The following CHAC1 variants were observed in gnomAD, a reference collection of about 807,000 sequenced individuals.
The protein encoded by CHAC1 is ChaC glutathione specific gamma-glutamylcyclotransferase 1, also known as glutathione-specific gamma-glutamylcyclotransferase 1.
In CHAC1, 22 loss-of-function variants were observed where a neutral mutation model predicts 22.1. That is an observed-to-expected ratio of 1.00 (90% CI 0.71 to 1.42). The LOEUF (loss-of-function observed/expected upper bound fraction) is 1.42, where lower values mean the gene tolerates loss of function less well. Among genes scored for constraint, CHAC1 ranks in the 40% most tolerant of loss-of-function variants. The pLI is 0.00. For synonymous variants in CHAC1, 145 were observed against 128.7 expected (o/e 1.13, Z -0.86); for missense variants, 272 against 299.2 (o/e 0.91, Z 0.67).
rs1047077828 is a variant in CHAC1, at chr15:40,955,361, A to G, written c.268-12A>G. ...GTCATGACTGACCCCGGGTGTCCCT[A>G]TTTCTTCCCAGGGCTGCACTTGGGG... On this transcript the variant is annotated splice_polypyrimidine_tract_variant and intron_variant, in intron 2 of 2. Coordinates refer to ENST00000617768, the MANE Select transcript of CHAC1 (RefSeq NM_024111.6). 15 of 1,612,964 alleles carry G rather than the reference A, an allele frequency of 9.3e-6. No individual in the cohort carries two copies. Among genetic ancestry groups the G allele is most frequent in the Non-Finnish European group, 1.3e-5 (15 of 1,179,386 alleles).
Position 40,955,972 on chromosome 15 carries a change from T to C in CHAC1, c.*198T>C. The C allele has an allele frequency of 1.6e-6, 1 of 614,402 alleles. No homozygotes were observed. Among genetic ancestry groups the C allele is most frequent in the South Asian group, 2.2e-5 (1 of 46,146 alleles). The allele number at this position is 614,402 out of a possible 1,614,324, so 38.1% of individuals were successfully genotyped here. A position where few individuals can be genotyped will look rare whatever the true frequency, so the allele number is the denominator to read the frequency against. On this transcript the variant is annotated 3_prime_UTR_variant, in exon 3 of 3. Transcript: ENST00000617768. ...CACTGACTTACTACTTGAAACTTTA[T>C]TTATTGCACCATGTTGGTGTGGTGG...
rs753370651 is a variant in CHAC1 at position 40,953,783 on chromosome 15, G to C, written c.200G>C (p.Gly67Ala). The C allele has an allele frequency of 7.5e-6, 12 of 1,596,904 alleles. No homozygotes were observed. In the Admixed American group the frequency reaches 1.7e-4, roughly 22 times the overall value. ...VRGYSRRFWQ[G>A]DTFHRGSDKM... ...GGCTACAGCCGCCGTTTCTGGCAGG[G>C]AGACACCTTCCATCGGGGCAGCGAC... Residue 67 changes from glycine (G) to alanine (A), a missense_variant, in exon 1 of 3, where the codon GGA becomes GCA. Transcript: ENST00000617768.
rs750605220 is a variant in CHAC1, at chr15:40,955,595, C to T, written c.490C>T (p.Gln164Ter). ...TGCGCCTGAAGAGGCCATTGCCACG[C>T]AGATCCTGGCCTGCCGGGGCTTCTC... is the stretch of plus-strand genomic sequence containing the variant. Reference protein sequence around the residue: ...GPAPEEAIATQILACRGFSGH... With the variant: ...GPAPEEAIAT Residue 164 changes from glutamine (Q) to a stop codon, truncating the protein, a stop_gained, in exon 3 of 3, where the codon CAG becomes TAG. Transcript: ENST00000617768. LOFTEE classifies it high-confidence loss of function. 6.2e-7 allele frequency: 1 copy of T among 1,614,044 alleles called. No individual in the cohort carries two copies. The highest frequency in any genetic ancestry group is 8.5e-7 in the Non-Finnish European group (1 of 1,180,042).
rs967363606 is a variant in CHAC1, at chr15:40,953,893, G to A, written c.231+79G>A. ...GCGCCAGTGCCCTGGAATGTCCGGG[G>A]CTCTCTGGGCCAATAGAAAGAAATG... is the stretch of plus-strand genomic sequence containing the variant. On this transcript the variant is annotated intron_variant, in intron 1 of 2. Coordinates refer to ENST00000617768, the MANE Select transcript of CHAC1 (RefSeq NM_024111.6). The A allele has an allele frequency of 5.4e-6, 6 of 1,105,640 alleles. No individual in the cohort carries two copies. In the African/African-American group the frequency reaches 6.2e-5, roughly 11 times the overall value. 68.5% of individuals were successfully genotyped at this position (1,105,640 alleles called of 1,614,324 possible). A position where few individuals can be genotyped will look rare whatever the true frequency, so the allele number is the denominator to read the frequency against.
Position 40,954,585 on chromosome 15 carries a change from T to TG in CHAC1, c.267+322_267+323insG, listed in dbSNP as rs1555394338. On this transcript the variant is annotated intron_variant, in intron 2 of 2. Transcript: ENST00000617768. Reference sequence around the variant, plus strand: ...ACCACTTTGTCAACTGTTTTTTTTTTTTGTTGTTGTTGTTGTTGTTTTGTT... The same window carrying TG: ...ACCACTTTGTCAACTGTTTTTTTTTTGTTGTTGTTGTTGTTGTTGTTTTGTT... Among the ~76,000 whole-genome samples, 475 of 148,098 alleles carry TG rather than the reference T, an allele frequency of 3.2e-3. 4 individuals are homozygous for TG. Among genetic ancestry groups the TG allele is most frequent in the Middle Eastern group, 6.9e-3 (2 of 290 alleles).
At chr15:40,954,557 T>C (rs1228706422) in intron 2 of CHAC1, among the ~76,000 whole-genome samples, 3 of 149,316 alleles carry the variant, frequency 2.0e-5, no homozygotes, top group Non-Finnish European at 4.4e-5. Flanking sequence ...TCCCTGGTAC[T>C]AGACCACTTT....
intron 2 of CHAC1, among the ~76,000 whole-genome samples, chr15:40,954,915 CTT>C (rs60132729): frequency 2.1e-5 from 3 of 139,834 alleles, no homozygotes; most frequent in Admixed American, 7.2e-5. Flanking sequence ...TCAACTATGC[CTT>C]TTTTTTTTTT....
At chr15:40,954,338 T>G in intron 2 of CHAC1, 75 bp downstream of exon 2, 1 of 1,462,490 alleles carries the variant, frequency 6.8e-7, no homozygotes, top group East Asian at 2.3e-5. Flanking sequence ...CATAGGCTCT[T>G]GGCTGCAGGC....
At chr15:40,955,259 GACC>G (rs1313288638) in intron 2 of CHAC1, 111 bp from the exon 3 acceptor site, 2 of 1,176,274 alleles carry the variant, frequency 1.7e-6, no homozygotes, top group Non-Finnish European at 2.4e-6. Context: ...CTCATCAGCC[GACC>G]ACAGCCTCCC....
In CHAC1 at chr15:40,956,106, C is replaced by T. The variant is rs1124516; in HGVS notation, c.*332C>T. ...TGCTGCTAACCCCACACCACCCAGG[C>T]CTCCACCTCCCCAGGGAGTCTCCAA... On this transcript the variant is annotated 3_prime_UTR_variant, in exon 3 of 3. Transcript: ENST00000617768. The T allele has an allele frequency of 2.8e-4, 76 of 267,082 alleles. No individual in the cohort carries two copies. The South Asian group carries it at 5.7e-3, about 20-fold the overall frequency. 16.5% of individuals were successfully genotyped at this position (267,082 alleles called of 1,614,324 possible). A position where few individuals can be genotyped will look rare whatever the true frequency, so the allele number is the denominator to read the frequency against.
chr15:40,954,793 G>A (rs1893195924), intron 2 of CHAC1, among the ~76,000 whole-genome samples: 1 of 151,870 alleles, frequency 6.6e-6, no homozygotes, highest in South Asian at 2.1e-4. Context: ...TAGTAGAGAC[G>A]GAGTTTCACC....
intron 1 of CHAC1, among the ~76,000 whole-genome samples, 196 bp from the exon 2 acceptor site, chr15:40,954,032 C>T (rs571766497): frequency 3.7e-5 from 1 of 27,166 alleles, no homozygotes; most frequent in South Asian, 1.8e-3. Context: ...CAACTGGGAC[C>T]ACTGACATGT....
In CHAC1 at chr15:40,955,938, C is replaced by G. The variant is rs577755279; in HGVS notation, c.*164C>G. ...TGCCTGTCTGCCAGCCTGCAGCTCT[C>G]CTGCTTGACACTGACTTACTACTTG... is the stretch of plus-strand genomic sequence containing the variant. On this transcript the variant is annotated 3_prime_UTR_variant, in exon 3 of 3. Coordinates refer to ENST00000617768, the MANE Select transcript of CHAC1 (RefSeq NM_024111.6). 5.8e-6 allele frequency: 4 copies of G among 690,984 alleles called. No homozygotes were observed. Among genetic ancestry groups the G allele is most frequent in the Non-Finnish European group, 9.5e-6 (4 of 422,258 alleles). 42.8% of individuals were successfully genotyped at this position (690,984 alleles called of 1,614,324 possible). A position where few individuals can be genotyped will look rare whatever the true frequency, so the allele number is the denominator to read the frequency against.
At chr15:40,954,365 T>C (rs1893181263) in intron 2 of CHAC1, 102 bp downstream of exon 2, 1 of 1,193,618 alleles carries the variant, frequency 8.4e-7, no homozygotes, top group Non-Finnish European at 1.2e-6. Context: ...TGTCTGATGC[T>C]TCTCTGGCAG....
In CHAC1 at chr15:40,955,353, G is replaced by T. The variant is rs201196754; in HGVS notation, c.268-20G>T. ...AAGGAGCTGTCATGACTGACCCCGG[G>T]TGTCCCTATTTCTTCCCAGGGCTGC... On this transcript the variant is annotated intron_variant, in intron 2 of 2. Coordinates refer to ENST00000617768, the MANE Select transcript of CHAC1 (RefSeq NM_024111.6). 2.3e-5 allele frequency: 37 copies of T among 1,612,280 alleles called. 1 individual carries two copies. The African/African-American group carries it at 3.7e-4, about 16-fold the overall frequency.
intron 1 of CHAC1, 76 bp downstream of exon 1, chr15:40,953,890 G>A (rs1893168031): frequency 2.7e-6 from 3 of 1,103,858 alleles, no homozygotes; most frequent in Admixed American, 5.1e-5. Flanking sequence ...TGGAATGTCC[G>A]GGGCTCTCTG....
chr15:40,955,346 A>C (rs769468014), intron 2 of CHAC1, 27 bp from the exon 3 acceptor site: 2 of 1,610,850 alleles, frequency 1.2e-6, no homozygotes, highest in South Asian at 1.1e-5. Flanking sequence ...GTCATGACTG[A>C]CCCCGGGTGT....
intron 2 of CHAC1, 40 bp from the exon 3 acceptor site, chr15:40,955,333 G>C: frequency 6.2e-7 from 1 of 1,605,154 alleles, no homozygotes; most frequent in Non-Finnish European, 8.5e-7. Flanking sequence ...GCAGCAAGGA[G>C]CTGTCATGAC....
chr15:40,955,555 T>A lies in CHAC1; in HGVS notation c.450T>A (p.Pro150=). The A allele has an allele frequency of 2.5e-6, 4 of 1,614,114 alleles. No individual in the cohort carries two copies. Among genetic ancestry groups the A allele is most frequent in the Non-Finnish European group, 3.4e-6 (4 of 1,180,018 alleles). ...CCTATGTGGCCACCCCACAGAACCC[T>A]GGTTACCTGGGCCCTGCGCCTGAAG... ...ALAYVATPQN[P]GYLGPAPEEA... The change falls in exon 3 of 3, where the codon CCT becomes CCA. Residue 150 remains proline (P), a synonymous_variant. Transcript: ENST00000617768.
Sources: gnomAD v4.1 joint callset for allele counts (sites outside exome capture counted in the v4.1 genomes callset) on GRCh38, gnomAD v4.1.1 for gene constraint, MANE v1.5 for transcripts, NCBI Gene and HGNC (gene_info 2026-07-23, HGNC 2026-07-21) for gene names.